Variants in ZNF345 observed in about 807,000 individuals in gnomAD.
ZNF345 encodes the protein zinc finger protein HZF10.
For synonymous variants in ZNF345, 166 were observed against 187.9 expected (o/e 0.88, Z 0.95); for missense variants, 527 against 589.9 (o/e 0.89, Z 1.10).
At chr19:36,885,401 A>G (rs1351432886) in intron 3 of ZNF345, among the ~76,000 whole-genome samples, 2 of 150,936 alleles carry the variant, frequency 1.3e-5, no homozygotes, top group Non-Finnish European at 2.9e-5. Flanking sequence ...TGTATTTTGG[A>G]TCTGATTTGT....
intron 2 of ZNF345, among the ~76,000 whole-genome samples, chr19:36,867,974 TG>T (rs2072693669): frequency 6.6e-6 from 1 of 151,928 alleles, no homozygotes. Flanking sequence ...GGGTACCAAT[TG>T]CAGTTCCATA....
chr19:36,878,459 A>G lies in ZNF345; in HGVS notation c.*162A>G, dbSNP rs971731394. On this transcript the variant is annotated 3_prime_UTR_variant, in exon 3 of 3. Transcript: ENST00000420450. ...GGAAAAAAATCACCCCAAATAAAAT[A>G]AATATTTGAAGATCCTTATCTATAT... 3 of 527,126 alleles carry G rather than the reference A, an allele frequency of 5.7e-6. No individual in the cohort carries two copies. In the African/African-American group the frequency reaches 5.9e-5, roughly 10 times the overall value. 32.7% of individuals were successfully genotyped at this position (527,126 alleles called of 1,614,324 possible). A position where few individuals can be genotyped will look rare whatever the true frequency, so the allele number is the denominator to read the frequency against.
intron 2 of ZNF345, among the ~76,000 whole-genome samples, chr19:36,857,368 G>A (rs1222183285): frequency 2.6e-5 from 4 of 151,852 alleles, no homozygotes; most frequent in African/African-American, 7.3e-5. Flanking sequence ...GTGCAGCGGC[G>A]CCATCTTGGC....
chr19:36,888,365 C>A (rs1038697805), intron 3 of ZNF345: 2 of 152,118 alleles, frequency 1.3e-5, no homozygotes, highest in African/African-American at 4.8e-5. Flanking sequence ...ATGCAAAAAT[C>A]TTTAATCTCC....
At chr19:36,862,316 C>G (rs952569332) in intron 2 of ZNF345, among the ~76,000 whole-genome samples, 1 of 151,980 alleles carries the variant, frequency 6.6e-6, no homozygotes, top group African/African-American at 2.4e-5. Context: ...TTTTATTACT[C>G]TGTTCTTGGT....
chr19:36,882,939 C>T (rs2072977368), downstream of ZNF345, among the ~76,000 whole-genome samples: 1 of 152,000 alleles, frequency 6.6e-6, no homozygotes, highest in Admixed American at 6.6e-5. Flanking sequence ...GCACAAAACG[C>T]CCAGCTATAT....
intron 2 of ZNF345, among the ~76,000 whole-genome samples, chr19:36,868,758 T>C (rs1288587776): frequency 6.6e-6 from 1 of 151,694 alleles, no homozygotes; most frequent in Non-Finnish European, 1.5e-5. Flanking sequence ...CCCGAGTAGC[T>C]GGGATTACAG....
chr19:36,883,891 T>G (rs75524879), downstream of ZNF345, among the ~76,000 whole-genome samples: 2,026 of 152,222 alleles, frequency 0.013, 53 homozygotes, highest in African/African-American at 0.046. Context: ...GAAGGAATAG[T>G]TTCCACAAGA....
intron 2 of ZNF345, among the ~76,000 whole-genome samples, chr19:36,868,465 G>A (rs868413719): frequency 7.2e-5 from 11 of 152,182 alleles, no homozygotes; most frequent in Middle Eastern, 3.4e-3. Context: ...TATTCCATTA[G>A]TTTACAAGGC....
intron 2 of ZNF345, among the ~76,000 whole-genome samples, chr19:36,853,843 TC>T (rs1156332436): frequency 6.6e-6 from 1 of 152,230 alleles, no homozygotes; most frequent in East Asian, 1.9e-4. Flanking sequence ...ACACTTACCT[TC>T]TTTTTCCTCA....
chr19:36,853,954 T>C (rs2072346438), intron 2 of ZNF345, among the ~76,000 whole-genome samples: 1 of 152,196 alleles, frequency 6.6e-6, no homozygotes, highest in African/African-American at 2.4e-5. Context: ...TGAAATTGCA[T>C]GGTACGTATA....
chr19:36,869,764 C>CTT (rs370081401), intron 2 of ZNF345, among the ~76,000 whole-genome samples: 22,298 of 139,466 alleles, frequency 0.16, 2,101 homozygotes, highest in Middle Eastern at 0.25. Context: ...GATCATTTAG[C>CTT]TTTTTTTTTT....
intron 2 of ZNF345, among the ~76,000 whole-genome samples, chr19:36,863,351 G>T (rs1161376122): frequency 6.6e-6 from 1 of 152,130 alleles, no homozygotes; most frequent in East Asian, 1.9e-4. Context: ...CATGCCCTTT[G>T]CACTACTCCA....
At chr19:36,892,908 G>T in exon 4 of ZNF345, 2 of 1,137,074 alleles carry the variant, frequency 1.8e-6, no homozygotes, top group African/African-American at 1.6e-5. Context: ...AGCATGCCCA[G>T]GCAGGGGTTA....
At chr19:36,891,591 T>G (rs1250665759) in intron 3 of ZNF345, 1 of 1,612,356 alleles carries the variant, frequency 6.2e-7, no homozygotes, top group African/African-American at 1.3e-5. Flanking sequence ...CAGTGTGAAT[T>G]CTCTGATGTC....
At chr19:36,888,051 TAATA>T (rs1348774149) in intron 3 of ZNF345, 1 of 152,034 alleles carries the variant, frequency 6.6e-6, no homozygotes, top group Non-Finnish European at 1.5e-5. Flanking sequence ...ACACTAACCT[TAATA>T]TATAAAGAAA....
intron 2 of ZNF345, among the ~76,000 whole-genome samples, chr19:36,865,403 A>G (rs2146165192): frequency 6.6e-6 from 1 of 152,318 alleles, no homozygotes; most frequent in South Asian, 2.1e-4. Flanking sequence ...AATGTAAGTC[A>G]TTTATCTAAG....
chr19:36,869,497 T>C (rs538984317), intron 2 of ZNF345, among the ~76,000 whole-genome samples: 1 of 152,328 alleles, frequency 6.6e-6, no homozygotes, highest in African/African-American at 2.4e-5. Flanking sequence ...GAACTCAGTC[T>C]CCAGCCCCAC....
intron 3 of ZNF345, chr19:36,891,568 T>C (rs1256521652): frequency 6.2e-7 from 1 of 1,612,712 alleles, no homozygotes; most frequent in Non-Finnish European, 8.5e-7. Context: ...CTTACAGTCA[T>C]AGGGTTTCTC....
Sources: gnomAD v4.1 joint callset for allele counts (sites outside exome capture counted in the v4.1 genomes callset) on GRCh38, gnomAD v4.1.1 for gene constraint, MANE v1.5 for transcripts, NCBI Gene and HGNC (gene_info 2026-07-23, HGNC 2026-07-21) for gene names.